Variants in LRRC1 observed in about 807,000 individuals in gnomAD.
LRRC1 encodes leucine-rich repeat-containing protein 1.
LRRC1 carries 28 observed loss-of-function variants against 69.9 expected under a neutral mutation model. The ratio of observed to expected loss-of-function variants is 0.40; its 90% confidence interval spans 0.30 to 0.55. LRRC1 has a LOEUF of 0.55. LRRC1 is among the 20% of genes least tolerant of loss of function. The pLI is 0.47. For synonymous variants in LRRC1, 236 were observed against 240.2 expected (o/e 0.98, Z 0.16); for missense variants, 498 against 609.0 (o/e 0.82, Z 1.92).
At chr6:53,878,501 A>G (rs1767148675) in intron 2 of LRRC1, among the ~76,000 whole-genome samples, 1 of 152,150 alleles carries the variant, frequency 6.6e-6, no homozygotes, top group Non-Finnish European at 1.5e-5. Flanking sequence ...GGAGCACACA[A>G]CCTAGATCCC....
At chr6:53,867,663 A>T (rs1766745756) in intron 2 of LRRC1, among the ~76,000 whole-genome samples, 1 of 151,812 alleles carries the variant, frequency 6.6e-6, no homozygotes, top group Non-Finnish European at 1.5e-5. Context: ...TATTTTTATT[A>T]TTTTTTTTAA....
intron 2 of LRRC1, among the ~76,000 whole-genome samples, chr6:53,860,221 G>A (rs1387998807): frequency 1.3e-5 from 2 of 152,228 alleles, no homozygotes; most frequent in East Asian, 3.9e-4. Context: ...ATAACAGTAC[G>A]TCATAAGCAC....
In LRRC1 at chr6:53,920,738, A is replaced by G. The variant is rs1322178387; in HGVS notation, c.1393A>G (p.Lys465Glu). 6.2e-7 allele frequency: 1 copy of G among 1,614,192 alleles called. No individual in the cohort carries two copies. Among genetic ancestry groups the G allele is most frequent in the Non-Finnish European group, 8.5e-7 (1 of 1,180,024 alleles). Residue 465 changes from lysine to glutamate, a missense_variant, in exon 13 of 14, where the codon AAA becomes GAA. By Grantham distance (56) the Lys-to-Glu change is moderately conservative. Coordinates refer to ENST00000370888, the MANE Select transcript of LRRC1 (RefSeq NM_018214.5). ...TGCGATCCGATTTGTGGAGGATGAG[A>G]AAGATGAAGAAGACAATGAGACGGT... The part of the protein sequence containing the change: ...VSAIRFVEDE[K>E]DEEDNETRTL...
intron 2 of LRRC1, among the ~76,000 whole-genome samples, chr6:53,875,512 T>C (rs1372606055): frequency 2.0e-5 from 3 of 152,128 alleles, no homozygotes; most frequent in Non-Finnish European, 2.9e-5. Context: ...AATAAAAGAT[T>C]ACCTCTAGGT....
At chr6:53,828,169 C>CA (rs35639473) in intron 1 of LRRC1, among the ~76,000 whole-genome samples, 26,180 of 135,140 alleles carry the variant, frequency 0.19, 2,753 homozygotes, top group East Asian at 0.25. Flanking sequence ...GTTCAAAGGC[C>CA]AAAAAAAAAA....
intron 1 of LRRC1, among the ~76,000 whole-genome samples, chr6:53,804,367 ATATT>A (rs1337652655): frequency 6.6e-6 from 1 of 152,200 alleles, no homozygotes; most frequent in African/African-American, 2.4e-5. Flanking sequence ...ATCACCTCAC[ATATT>A]TATTATTTGT....
At chr6:53,878,061 T>C (rs892963933) in intron 2 of LRRC1, among the ~76,000 whole-genome samples, 6 of 152,140 alleles carry the variant, frequency 3.9e-5, no homozygotes, top group African/African-American at 9.7e-5. Flanking sequence ...AGTCACATCT[T>C]ATGTGGATGA....
intron 1 of LRRC1, among the ~76,000 whole-genome samples, chr6:53,815,144 G>A (rs770401822): frequency 3.3e-5 from 5 of 151,706 alleles, no homozygotes; most frequent in Non-Finnish European, 7.4e-5. Context: ...GGGGGTGGGG[G>A]TCATCAGTGG....
At chr6:53,884,390 C>A (rs1255151215) in intron 4 of LRRC1, among the ~76,000 whole-genome samples, 1 of 152,050 alleles carries the variant, frequency 6.6e-6, no homozygotes, top group East Asian at 1.9e-4. Context: ...ACCTGTAGTC[C>A]CAGCTACTTG....
chr6:53,796,822 C>T (rs1200399547), intron 1 of LRRC1, among the ~76,000 whole-genome samples: 1 of 152,158 alleles, frequency 6.6e-6, no homozygotes, highest in Non-Finnish European at 1.5e-5. Context: ...CATTTTCAAA[C>T]ACATGATTTT....
chr6:53,898,217 G>C (rs1266103797), intron 7 of LRRC1, among the ~76,000 whole-genome samples: 6 of 152,122 alleles, frequency 3.9e-5, no homozygotes. Context: ...ATGACTAATG[G>C]AACTAAGGAA....
chr6:53,849,316 G>A (rs906493130), intron 2 of LRRC1, among the ~76,000 whole-genome samples: 11 of 152,168 alleles, frequency 7.2e-5, no homozygotes, highest in Non-Finnish European at 1.6e-4. Context: ...TAACCGAACA[G>A]GCTAAGTTAT....
rs569854852 is a variant in LRRC1, at chr6:53,827,602, G to A, written c.160-14508G>A. Among the ~76,000 whole-genome samples the A allele has an allele frequency of 1.1e-3, 173 of 152,258 alleles. 1 individual carries two copies. Among genetic ancestry groups the A allele is most frequent in the African/African-American group, 4.1e-3 (169 of 41,562 alleles). ...GGAAAGGTTGTTAGGAACAGGAAAG[G>A]CATAATGAATAGTGAATGATTCACT... On this transcript the variant is annotated intron_variant, in intron 1 of 13. Transcript: ENST00000370888.
intron 1 of LRRC1, among the ~76,000 whole-genome samples, chr6:53,838,159 G>A (rs780565269): frequency 1.3e-5 from 2 of 152,190 alleles, no homozygotes; most frequent in African/African-American, 2.4e-5. Flanking sequence ...ATTTAATACA[G>A]TTTCCTTGGC....
chr6:53,812,478 CAGGAGATCG>C (rs1239094289), intron 1 of LRRC1, among the ~76,000 whole-genome samples: 6 of 150,956 alleles, frequency 4.0e-5, no homozygotes, highest in South Asian at 2.1e-4. Flanking sequence ...ATCACGAGGT[CAGGAGATCG>C]AGACCATCCT....
Position 53,795,120 on chromosome 6 carries a change from C to G in LRRC1, c.-137C>G, listed in dbSNP as rs1764248003. Reference sequence around the variant, plus strand: ...AAGCACTTCCGACCGCGAAGCCCGGCGCGAGAAGCGAGCTAACCCAAGAGC... The same window carrying G: ...AAGCACTTCCGACCGCGAAGCCCGGGGCGAGAAGCGAGCTAACCCAAGAGC... On this transcript the variant is annotated 5_prime_UTR_variant, in exon 1 of 14. Coordinates refer to ENST00000370888, the MANE Select transcript of LRRC1 (RefSeq NM_018214.5). The G allele has an allele frequency of 1.3e-6, 1 of 747,704 alleles. No individual in the cohort carries two copies. The highest frequency in any genetic ancestry group is 2.0e-5 in the South Asian group (1 of 49,630). 46.3% of individuals were successfully genotyped at this position (747,704 alleles called of 1,614,324 possible). A position where few individuals can be genotyped will look rare whatever the true frequency, so the allele number is the denominator to read the frequency against.
At chr6:53,842,338 G>A (rs764382397) in intron 2 of LRRC1, 111 bp downstream of exon 2, 2 of 690,424 alleles carry the variant, frequency 2.9e-6, no homozygotes, top group Non-Finnish European at 5.1e-6. Context: ...TTGTCCTTGT[G>A]ATAGTTCGCT....
chr6:53,843,249 A>G (rs909755171), intron 2 of LRRC1, among the ~76,000 whole-genome samples: 1 of 152,192 alleles, frequency 6.6e-6, no homozygotes, highest in Non-Finnish European at 1.5e-5. Flanking sequence ...ACAAAAATCT[A>G]TAGGTTTCTT....
chr6:53,859,359 A>G (rs1437728904), intron 2 of LRRC1, among the ~76,000 whole-genome samples: 1 of 152,180 alleles, frequency 6.6e-6, no homozygotes, highest in Non-Finnish European at 1.5e-5. Flanking sequence ...CCTAAGGAAT[A>G]TGCAATCCAA....
Sources: gnomAD v4.1 joint callset for allele counts (sites outside exome capture counted in the v4.1 genomes callset) on GRCh38, gnomAD v4.1.1 for gene constraint, MANE v1.5 for transcripts, NCBI Gene and HGNC (gene_info 2026-07-23, HGNC 2026-07-21) for gene names.